The following SNX29 variants were observed in gnomAD, a reference collection of about 807,000 sequenced individuals.
SNX29 encodes sorting nexin 29.
SNX29 carries 78 observed loss-of-function variants against 102.1 expected under a neutral mutation model. The ratio of observed to expected loss-of-function variants is 0.76; its 90% CI spans 0.64 to 0.92. The LOEUF is 0.92. Ranked by LOEUF, SNX29 falls within the 40% of genes least tolerant of loss-of-function variation. The probability of loss-of-function intolerance (pLI) is 0.00; values close to 1 mark genes in which losing one functional copy is unlikely to be tolerated. For missense variants in SNX29, 1,280 were observed against 1,061.7 expected (o/e 1.21, Z -2.86); for synonymous variants, 580 against 414.5 (o/e 1.40, Z -4.85).
chr16:11,999,487 A>T (rs754617834), intron 2 of SNX29, 129 bp downstream of exon 2: 5 of 901,888 alleles, frequency 5.5e-6, no homozygotes, highest in Non-Finnish European at 8.4e-6. Flanking sequence ...GAAGTGATCT[A>T]CTCATTTTTC....
intron 20 of SNX29, among the ~76,000 whole-genome samples, chr16:12,565,226 T>C (rs1159651643): frequency 1.3e-5 from 2 of 152,186 alleles, no homozygotes; most frequent in Non-Finnish European, 2.9e-5. Context: ...TTACCAGTAT[T>C]AGGCTGTTCT....
chr16:12,163,246 C>T (rs991656082), intron 13 of SNX29, among the ~76,000 whole-genome samples: 13 of 152,122 alleles, frequency 8.5e-5, no homozygotes, highest in African/African-American at 3.1e-4. Context: ...ATTGGGTCAC[C>T]CTGCTGAGAA....
chr16:12,500,363 C>T lies in SNX29; in HGVS notation c.2178+22504C>T, dbSNP rs538299071. 2.6e-5 allele frequency among the ~76,000 whole-genome samples: 4 copies of T among 152,266 alleles called. No individual in the cohort carries two copies. The South Asian group carries it at 6.2e-4, about 24-fold the overall frequency. ...TGCCTGCAGACCAATAACTGAGGAC[C>T]ACCCAGAAGGCGGAAATAACTGGCC... On this transcript the variant is annotated intron_variant, in intron 19 of 20. Transcript: ENST00000566228.
At position 11,976,797 on chromosome 16, in the gene SNX29, G is replaced by T; in HGVS notation, c.-10G>T. The T allele has an allele frequency of 7.3e-7, 1 of 1,379,098 alleles. No homozygotes were observed. Among genetic ancestry groups the T allele is most frequent in the South Asian group, 1.6e-5 (1 of 62,356 alleles). 85.4% of individuals were successfully genotyped at this position (1,379,098 alleles called of 1,614,324 possible). A position where few individuals can be genotyped will look rare whatever the true frequency, so the allele number is the denominator to read the frequency against. On this transcript the variant is annotated 5_prime_UTR_variant, in exon 1 of 21. Transcript: ENST00000566228. ...GGCGCGGCGCAGGCACCGGCCCGGG[G>T]AGAGGCACCATGAGCGGTGAGTGGC...
At chr16:12,162,768 T>C (rs756821586) in intron 13 of SNX29, among the ~76,000 whole-genome samples, 2 of 152,220 alleles carry the variant, frequency 1.3e-5, no homozygotes, top group African/African-American at 2.4e-5. Flanking sequence ...GCGTAGTAAC[T>C]GTTCCCTGAA....
intron 9 of SNX29, among the ~76,000 whole-genome samples, chr16:12,062,057 C>T (rs2050798347): frequency 6.6e-6 from 1 of 152,090 alleles, no homozygotes; most frequent in Non-Finnish European, 1.5e-5. Context: ...CAGAAAAGTG[C>T]TTGGGGATCA....
chr16:12,433,087 T>A (rs1339142873), intron 18 of SNX29, among the ~76,000 whole-genome samples: 2 of 152,098 alleles, frequency 1.3e-5, no homozygotes, highest in Non-Finnish European at 2.9e-5. Flanking sequence ...ACAAAACCAA[T>A]CACATGCTTC....
chr16:12,069,696 T>C (rs535961184), intron 10 of SNX29, among the ~76,000 whole-genome samples: 2 of 152,070 alleles, frequency 1.3e-5, no homozygotes, highest in African/African-American at 4.8e-5. Context: ...ATTGTTATTT[T>C]CTTTTTTTCT....
chr16:12,235,663 A>G (rs1032475691), intron 14 of SNX29, among the ~76,000 whole-genome samples: 1 of 152,232 alleles, frequency 6.6e-6, no homozygotes, highest in Non-Finnish European at 1.5e-5. Context: ...GAAAGAAGTG[A>G]AAAAACCTCT....
At chr16:12,549,202 G>T (rs545315923) in intron 20 of SNX29, among the ~76,000 whole-genome samples, 1 of 152,136 alleles carries the variant, frequency 6.6e-6, no homozygotes, top group African/African-American at 2.4e-5. Flanking sequence ...CACCCCTCAC[G>T]ATGCTTGTGT....
intron 20 of SNX29, among the ~76,000 whole-genome samples, chr16:12,547,545 T>G (rs977644977): frequency 6.6e-6 from 1 of 151,792 alleles, no homozygotes; most frequent in African/African-American, 2.4e-5. Context: ...AAGAACAGAG[T>G]CCTGAGCTGT....
intron 19 of SNX29, among the ~76,000 whole-genome samples, chr16:12,495,345 T>C (rs1375412484): frequency 6.6e-6 from 1 of 151,880 alleles, no homozygotes; most frequent in Non-Finnish European, 1.5e-5. Flanking sequence ...AGAGACAGGG[T>C]TTCACCATGT....
intron 19 of SNX29, among the ~76,000 whole-genome samples, chr16:12,498,271 C>T (rs1216014046): frequency 1.3e-5 from 2 of 152,146 alleles, no homozygotes; most frequent in Admixed American, 6.5e-5. Context: ...CGTGGCAGAG[C>T]ATGTGCACGT....
intron 11 of SNX29, among the ~76,000 whole-genome samples, chr16:12,123,465 A>ACATATACATATACAT (rs1186905829): frequency 6.6e-6 from 1 of 152,148 alleles, no homozygotes; most frequent in Non-Finnish European, 1.5e-5. Context: ...TCATGTACAT[A>ACATATACATATACAT]CATATACATA....
At chr16:12,502,414 G>A (rs1227239068) in intron 19 of SNX29, among the ~76,000 whole-genome samples, 1 of 152,162 alleles carries the variant, frequency 6.6e-6, no homozygotes, top group African/African-American at 2.4e-5. Context: ...GGGCCCACAG[G>A]GAATGCTTCA....
intron 18 of SNX29, chr16:12,442,933 TTTGAATTTCATATA>T (rs2085876286): frequency 1.1e-5 from 5 of 446,738 alleles, no homozygotes; most frequent in Non-Finnish European, 2.2e-5. Flanking sequence ...GACACTGAAC[TTTGAATTTCATATA>T]CTTTGCCCAT....
At chr16:12,071,670 A>T (rs1422281964) in intron 10 of SNX29, among the ~76,000 whole-genome samples, 1 of 152,140 alleles carries the variant, frequency 6.6e-6, no homozygotes, top group East Asian at 1.9e-4. Context: ...TTTTGGTTCC[A>T]TATGAACTTT....
intron 16 of SNX29, among the ~76,000 whole-genome samples, chr16:12,392,841 C>G (rs2083577812): frequency 1.3e-5 from 2 of 152,144 alleles, no homozygotes; most frequent in Non-Finnish European, 2.9e-5. Flanking sequence ...ACAGAGAACC[C>G]TGAAAGTGCT....
chr16:12,339,231 C>T (rs1199186176), intron 15 of SNX29, among the ~76,000 whole-genome samples: 2 of 151,894 alleles, frequency 1.3e-5, no homozygotes, highest in Non-Finnish European at 2.9e-5. Context: ...ATTAGCCAGG[C>T]GTGGTGGCGC....
Sources: gnomAD v4.1 joint callset for allele counts (sites outside exome capture counted in the v4.1 genomes callset) on GRCh38, gnomAD v4.1.1 for gene constraint, MANE v1.5 for transcripts, NCBI Gene and HGNC (gene_info 2026-07-23, HGNC 2026-07-21) for gene names.